FAM161B: variants seen among roughly 807,000 people sequenced by gnomAD.
The protein encoded by FAM161B is protein FAM161B.
In FAM161B, 46 loss-of-function variants were observed where a neutral mutation model predicts 61.5. The ratio of observed to expected loss-of-function variants is 0.75; its 90% CI spans 0.59 to 0.96. The LOEUF is 0.96. Among genes scored for constraint, FAM161B ranks in the 40% least tolerant of loss-of-function variants. FAM161B has a pLI of 0.00. For missense variants in FAM161B, 774 were observed against 800.7 expected (o/e 0.97, Z 0.40); for synonymous variants, 284 against 302.7 (o/e 0.94, Z 0.64).
At chr14:73,939,176 G>A (rs2055996710) in intron 5 of FAM161B, among the ~76,000 whole-genome samples, 3 of 151,788 alleles carry the variant, frequency 2.0e-5, no homozygotes, top group South Asian at 2.1e-4. Flanking sequence ...GGCACGTGCC[G>A]GTAATCCCAG....
rs760339939 is a variant in FAM161B at position 73,936,022 on chromosome 14, C to A, written c.1732G>T (p.Asp578Tyr). Reference sequence around the variant, plus strand: ...CCTTGACCCTTGTTTCTCACAAAGTCTTCCTCCAGCCCAGCCTGCTTCAGG... The same window carrying A: ...CCTTGACCCTTGTTTCTCACAAAGTATTCCTCCAGCCCAGCCTGCTTCAGG... ...DTLKQAGLEE[D>Y]FVRNKGQGTR... The change falls in exon 8 of 9, where the codon GAC becomes TAC. Residue 578 changes from aspartate (D) to tyrosine (Y), a missense_variant. Coordinates refer to ENST00000286544, the MANE Select transcript of FAM161B (RefSeq NM_152445.3). 114 of 1,613,878 alleles carry A rather than the reference C, an allele frequency of 7.1e-5. No individual in the cohort carries two copies. Among genetic ancestry groups the A allele is most frequent in the Non-Finnish European group, 9.1e-5 (107 of 1,179,922 alleles).
intron 3 of FAM161B, among the ~76,000 whole-genome samples, chr14:73,943,765 T>C (rs2140347652): frequency 6.6e-6 from 1 of 152,340 alleles, no homozygotes; most frequent in East Asian, 1.9e-4. Flanking sequence ...TTTGTATGTA[T>C]TTGTCTTTAT....
chr14:73,931,526 T>G (rs914130916), downstream of FAM161B: 1 of 1,607,524 alleles, frequency 6.2e-7, no homozygotes, highest in East Asian at 2.2e-5. Context: ...GAGATTTAAC[T>G]GAAAGACGGA....
At chr14:73,944,285 G>A in intron 3 of FAM161B, 50 bp downstream of exon 3, 1 of 1,531,958 alleles carries the variant, frequency 6.5e-7, no homozygotes, top group South Asian at 1.3e-5. Context: ...CCCTATGGTG[G>A]GATTGGTTCC....
In FAM161B at chr14:73,938,047, TTC is replaced by T; in HGVS notation, c.1464_1465del (p.Lys489ValfsTer19). 6.2e-7 allele frequency: 1 copy of T among 1,614,234 alleles called. No individual in the cohort carries two copies. The highest frequency in any genetic ancestry group is 8.5e-7 in the Non-Finnish European group (1 of 1,180,042). ...CACAGATTTGGACATTGCTTGAGACTTCTTTTTGTGTATCTCCAGCCACTGAA... is the reference window on the plus strand; with the variant it reads ...CACAGATTTGGACATTGCTTGAGACTTTTTTGTGTATCTCCAGCCACTGAA... On this transcript the variant is annotated frameshift_variant, in exon 6 of 9. Transcript: ENST00000286544. LOFTEE classifies it high-confidence loss of function.
intron 8 of FAM161B, among the ~76,000 whole-genome samples, chr14:73,934,603 A>T (rs1362714903): frequency 7.1e-6 from 1 of 141,336 alleles, no homozygotes. Flanking sequence ...CACCCAGCTA[A>T]TTTTTTTTTT....
intron 1 of FAM161B, among the ~76,000 whole-genome samples, chr14:73,948,850 G>A (rs118139038): frequency 0.062 from 9,340 of 151,816 alleles, 466 homozygotes; most frequent in South Asian, 0.27. Flanking sequence ...ACTGGCTCAC[G>A]CCTGTAATCC....
At chr14:73,938,473 A>T (rs1566673480) in intron 5 of FAM161B, among the ~76,000 whole-genome samples, 2 of 150,360 alleles carry the variant, frequency 1.3e-5, no homozygotes. Flanking sequence ...TAATAATAAT[A>T]ATAAAATAAA....
At chr14:73,949,620 A>G (rs1341670317) in intron 1 of FAM161B, among the ~76,000 whole-genome samples, 1 of 151,702 alleles carries the variant, frequency 6.6e-6, no homozygotes, top group African/African-American at 2.4e-5. Context: ...CGGCCTCCCA[A>G]AGTGCTAGGA....
chr14:73,936,919 G>GCATCCTTA (rs2055974730), intron 7 of FAM161B, among the ~76,000 whole-genome samples: 1 of 152,148 alleles, frequency 6.6e-6, no homozygotes, highest in Admixed American at 6.5e-5. Context: ...TAGAAACAGA[G>GCATCCTTA]CATCCTTACA....
intron 1 of FAM161B, among the ~76,000 whole-genome samples, chr14:73,948,978 G>A (rs2056096940): frequency 6.6e-6 from 1 of 152,108 alleles, no homozygotes; most frequent in Non-Finnish European, 1.5e-5. Flanking sequence ...GAGTGCAGTG[G>A]TGCAATCTTG....
In FAM161B at chr14:73,946,407, A is replaced by G. The variant is rs1288605801; in HGVS notation, c.253T>C (p.Ser85Pro). 3 of 1,614,014 alleles carry G rather than the reference A, an allele frequency of 1.9e-6. No individual in the cohort carries two copies. The South Asian group carries it at 3.3e-5, about 18-fold the overall frequency. ...KQKGRWCLLE[S>P]LFQSDPESDE... is the part of the protein sequence containing the mutation. ...CTCTCTGGGTCAGACTGAAAGAGAG[A>G]CTCCAACAGACACCATCTCCCTTTC... The change falls in exon 2 of 9, where the codon TCT (serine) becomes CCT (proline). Residue 85 changes from serine to proline, a missense_variant. By Grantham distance (74) the Ser-to-Pro change is moderately conservative. Coordinates refer to ENST00000286544, the MANE Select transcript of FAM161B (RefSeq NM_152445.3).
chr14:73,944,916 A>G (rs199621669), intron 2 of FAM161B, 31 bp from the exon 3 acceptor site: 79 of 1,482,286 alleles, frequency 5.3e-5, no homozygotes, highest in Non-Finnish European at 3.6e-5. Context: ...TGAGTGGAGG[A>G]CAGGGCAGTC....
At chr14:73,945,623 G>T (rs1051015262) in intron 2 of FAM161B, among the ~76,000 whole-genome samples, 22 of 152,004 alleles carry the variant, frequency 1.4e-4, no homozygotes, top group Non-Finnish European at 4.4e-5. Context: ...TAGAGACGGG[G>T]TTTCACCATC....
At chr14:73,945,508 G>A (rs1393107972) in intron 2 of FAM161B, among the ~76,000 whole-genome samples, 4 of 152,062 alleles carry the variant, frequency 2.6e-5, no homozygotes, top group African/African-American at 9.7e-5. Flanking sequence ...TTGGCTCACT[G>A]CAACCTCCAC....
chr14:73,946,664 ATAACT>A (rs1178020207), intron 1 of FAM161B, 59 bp from the exon 2 acceptor site: 27 of 1,543,884 alleles, frequency 1.7e-5, no homozygotes, highest in African/African-American at 1.1e-4. Context: ...TATTCAAATC[ATAACT>A]TAATTTCGCT....
chr14:73,943,036 A>G (rs1398840503), intron 3 of FAM161B, among the ~76,000 whole-genome samples: 1 of 151,890 alleles, frequency 6.6e-6, no homozygotes, highest in Non-Finnish European at 1.5e-5. Context: ...CTTACTGAGC[A>G]CTTTCTATGA....
rs145684879 is a variant in FAM161B, at chr14:73,944,431, A to G, written c.829T>C (p.Leu277=). The G allele has an allele frequency of 2.1e-4, 343 of 1,613,124 alleles. No homozygotes were observed. Among genetic ancestry groups the G allele is most frequent in the Non-Finnish European group, 2.6e-4 (308 of 1,179,296 alleles). The change falls in exon 3 of 9, where the codon TTG becomes CTG. Residue 277 remains leucine (L), a synonymous_variant. Coordinates refer to ENST00000286544, the MANE Select transcript of FAM161B (RefSeq NM_152445.3). ...ATCTTGGCTTCAGCTGTGGCTGCCA[A>G]GTCTCTCTGTCGAGCAGCTTCCTTT... ...QLKEAARQRD[L]AATAEAKISK...
downstream of FAM161B, among the ~76,000 whole-genome samples, chr14:73,929,132 C>G (rs1410878687): frequency 6.6e-6 from 1 of 152,228 alleles, no homozygotes; most frequent in African/African-American, 2.4e-5. Flanking sequence ...AACATACCCT[C>G]TGTCTGAGCC....
Sources: allele counts gnomAD v4.1 joint callset (sites outside exome capture counted in the v4.1 genomes callset), GRCh38; gene constraint gnomAD v4.1.1; transcripts MANE v1.5; gene names NCBI Gene and HGNC (gene_info 2026-07-23, HGNC 2026-07-21).